Variants in MAP3K4 observed in about 807,000 individuals in gnomAD.
MAP3K4 encodes the protein mitogen-activated protein kinase kinase kinase 4.
Under a neutral mutation model 185.6 loss-of-function variants are expected in MAP3K4, and 67 were observed. The ratio of observed to expected loss-of-function variants is 0.36; its 90% CI spans 0.30 to 0.44. The LOEUF is 0.44. Ranked by LOEUF, MAP3K4 falls within the 20% of genes least tolerant of loss-of-function variation. The pLI is 1.00. For missense variants in MAP3K4, 1,551 were observed against 1,995.1 expected, an observed-to-expected ratio of 0.78 and a Z score of 4.24; for synonymous variants, 702 against 710.4, an observed-to-expected ratio of 0.99 and a Z score of 0.19.
At position 161,108,423 on chromosome 6, in the gene MAP3K4, C is replaced by A. The variant is rs561373500; in HGVS notation, c.4120-320C>A. On this transcript the variant is annotated intron_variant, in intron 21 of 26. Coordinates refer to ENST00000392142, the MANE Select transcript of MAP3K4 (RefSeq NM_005922.4). This position sits in a 1 kb window ranked among gnomAD's most constrained non-coding sequence, Gnocchi z 5.7. Reference sequence around the variant, plus strand: ...CTGTCTGTGGAGACATCCGGTTTGACGTGGAAGGAGGAGAGGAGTGGAGAG... The same window carrying A: ...CTGTCTGTGGAGACATCCGGTTTGAAGTGGAAGGAGGAGAGGAGTGGAGAG... 6.6e-6 allele frequency among the ~76,000 whole-genome samples: 1 copy of A among 152,098 alleles called. No individual in the cohort carries two copies. The highest frequency in any genetic ancestry group is 2.4e-5 in the African/African-American group (1 of 41,426).
chr6:161,018,008 T>C (rs1782194151), intron 1 of MAP3K4, among the ~76,000 whole-genome samples: 1 of 152,196 alleles, frequency 6.6e-6, no homozygotes, highest in South Asian at 2.1e-4. Context: ...TTTCAGATAT[T>C]AGACAGCAGG....
intron 1 of MAP3K4, 90 bp downstream of exon 1, chr6:160,992,173 C>G (rs1022269158): frequency 3.6e-6 from 5 of 1,406,642 alleles, no homozygotes; most frequent in Admixed American, 6.1e-5. Flanking sequence ...CTGCTTCCCG[C>G]CAGGTGGGGA....
rs1785048317 is a variant in MAP3K4 at position 161,073,668 on chromosome 6, A to C, written c.2097+56A>C. ...CTTTCTTTGTTTCTTTTTTTAAAAAAGTAAGCCTGTATTTCCTTGTTTTGC... is the reference window on the plus strand; with the variant it reads ...CTTTCTTTGTTTCTTTTTTTAAAAACGTAAGCCTGTATTTCCTTGTTTTGC... On this transcript the variant is annotated intron_variant, in intron 5 of 26. Coordinates refer to ENST00000392142, the MANE Select transcript of MAP3K4 (RefSeq NM_005922.4). This position sits in a 1 kb window ranked among gnomAD's most constrained non-coding sequence, Gnocchi z 4.2. 1.9e-6 allele frequency: 3 copies of C among 1,568,788 alleles called. No individual in the cohort carries two copies. The highest frequency in any genetic ancestry group is 2.7e-5 in the African/African-American group (2 of 72,920).
rs367947922 is a variant in MAP3K4, at chr6:160,991,902, C to A, written c.-30C>A. On this transcript the variant is annotated 5_prime_UTR_variant, in exon 1 of 27. Coordinates refer to ENST00000392142, the MANE Select transcript of MAP3K4 (RefSeq NM_005922.4). The surrounding 1 kb of genome is among the most constrained non-coding windows in gnomAD (Gnocchi z 5.7). ...CCGCGCCAGGCTGCAGCTTACTGCCCGCCGCGGCCATGCGGGGCTCCGTGC... is the reference window on the plus strand; with the variant it reads ...CCGCGCCAGGCTGCAGCTTACTGCCAGCCGCGGCCATGCGGGGCTCCGTGC... 1 of 1,492,762 alleles carries A rather than the reference C, an allele frequency of 6.7e-7. No individual in the cohort carries two copies. Among genetic ancestry groups the A allele is most frequent in the Non-Finnish European group, 8.9e-7 (1 of 1,129,886 alleles). 92.5% of individuals were successfully genotyped at this position (1,492,762 alleles called of 1,614,324 possible).
chr6:161,099,194 A>G (rs2872613), intron 17 of MAP3K4, among the ~76,000 whole-genome samples: 138,526 of 152,272 alleles, frequency 0.91, 63,189 homozygotes, highest in East Asian at 0.99. Context: ...AACTATGTAG[A>G]TTGGGGGTAT....
In MAP3K4 at chr6:161,097,975, A is replaced by C. The variant is rs1237858708; in HGVS notation, c.3525-303A>C. On this transcript the variant is annotated intron_variant, in intron 16 of 26. Transcript: ENST00000392142. This position sits in a 1 kb window ranked among gnomAD's most constrained non-coding sequence, Gnocchi z 4.9. ...GGTGGCCGTGCCTGTAGTCCCAGCT[A>C]CTCAGGAGGCTGAGGCAAGGAGGAT... Among the ~76,000 whole-genome samples, 1 of 152,008 alleles carries C rather than the reference A, an allele frequency of 6.6e-6. No individual in the cohort carries two copies. The highest frequency in any genetic ancestry group is 2.4e-5 in the African/African-American group (1 of 41,380).
At position 161,101,125 on chromosome 6, in the gene MAP3K4, A is replaced by G. The variant is rs1777822402; in HGVS notation, c.3675-767A>G. ...TGCCATATTTATTTGAGGTTCTTTG[A>G]TTATTCGAATTACAATTTTAACACA... On this transcript the variant is annotated intron_variant, in intron 17 of 26. Coordinates refer to ENST00000392142, the MANE Select transcript of MAP3K4 (RefSeq NM_005922.4). This position sits in a 1 kb window ranked among gnomAD's most constrained non-coding sequence, Gnocchi z 5.1. 1 of 152,198 alleles carries G rather than the reference A, an allele frequency of 6.6e-6. No homozygotes were observed. Among genetic ancestry groups the G allele is most frequent in the Admixed American group, 6.5e-5 (1 of 15,282 alleles). 9.4% of individuals were successfully genotyped at this position (152,198 alleles called of 1,614,324 possible). A position where few individuals can be genotyped will look rare whatever the true frequency, so the allele number is the denominator to read the frequency against.
chr6:161,042,525 T>A (rs1278448424), intron 2 of MAP3K4, among the ~76,000 whole-genome samples: 1 of 152,168 alleles, frequency 6.6e-6, no homozygotes, highest in African/African-American at 2.4e-5. Flanking sequence ...TGCGGTGTTA[T>A]TTGAGATTAT....
chr6:160,991,887 C>G lies in MAP3K4; in HGVS notation c.-45C>G, dbSNP rs1052779990. ...CGGGGCTCCGGTGCCCCGCGCCAGG[C>G]TGCAGCTTACTGCCCGCCGCGGCCA... On this transcript the variant is annotated 5_prime_UTR_variant, in exon 1 of 27. Transcript: ENST00000392142. The surrounding 1 kb of genome is among the most constrained non-coding windows in gnomAD (Gnocchi z 5.7). The G allele has an allele frequency of 4.1e-6, 6 of 1,473,754 alleles. No individual in the cohort carries two copies. Among genetic ancestry groups the G allele is most frequent in the African/African-American group, 1.5e-5 (1 of 67,960 alleles). 91.3% of individuals were successfully genotyped at this position (1,473,754 alleles called of 1,614,324 possible).
intron 15 of MAP3K4, among the ~76,000 whole-genome samples, chr6:161,095,260 A>G (rs1404800765): frequency 1.3e-5 from 2 of 152,182 alleles, no homozygotes; most frequent in African/African-American, 4.8e-5. Context: ...CTGCTCATTT[A>G]ACATCATTGA....
At chr6:161,013,024 C>G (rs933836075) in intron 1 of MAP3K4, among the ~76,000 whole-genome samples, 1 of 152,094 alleles carries the variant, frequency 6.6e-6, no homozygotes, top group African/African-American at 2.4e-5. Context: ...TGGCTGCTCT[C>G]AAAAGAATTT....
At chr6:161,031,041 TTA>T (rs1310464757) in intron 1 of MAP3K4, among the ~76,000 whole-genome samples, 1 of 152,242 alleles carries the variant, frequency 6.6e-6, no homozygotes, top group Non-Finnish European at 1.5e-5. Context: ...GTGTTTTGTC[TTA>T]TTTTAATATT....
rs1781691461 is a variant in MAP3K4, at chr6:161,008,348, G to A, written c.152+16265G>A. ...CTTAATCTTTATGTCTAGTCAAGATGTTTTATTAGAGTAAAATCCTGGAAA... is the reference window on the plus strand; with the variant it reads ...CTTAATCTTTATGTCTAGTCAAGATATTTTATTAGAGTAAAATCCTGGAAA... On this transcript the variant is annotated intron_variant, in intron 1 of 26. Transcript: ENST00000392142. The surrounding 1 kb of genome is among the most constrained non-coding windows in gnomAD (Gnocchi z 4.1). 6.6e-6 allele frequency among the ~76,000 whole-genome samples: 1 copy of A among 152,106 alleles called. No individual in the cohort carries two copies. Among genetic ancestry groups the A allele is most frequent in the Admixed American group, 6.5e-5 (1 of 15,274 alleles).
rs1028592135 is a variant in MAP3K4 at position 161,067,924 on chromosome 6, A to G, written c.1708-2684A>G. On this transcript the variant is annotated intron_variant, in intron 3 of 26. Coordinates refer to ENST00000392142, the MANE Select transcript of MAP3K4 (RefSeq NM_005922.4). This position sits in a 1 kb window ranked among gnomAD's most constrained non-coding sequence, Gnocchi z 6.3. ...TGTCACTAACATAATTACTGTTGGC[A>G]TTAGGAGTACAATAGGGAATTTGAG... is the stretch of plus-strand genomic sequence containing the variant. Among the ~76,000 whole-genome samples, 1 of 152,242 alleles carries G rather than the reference A, an allele frequency of 6.6e-6. No individual in the cohort carries two copies. The highest frequency in any genetic ancestry group is 3.2e-3 in the Middle Eastern group (1 of 316).
At chr6:161,011,018 C>A (rs1193915740) in intron 1 of MAP3K4, among the ~76,000 whole-genome samples, 1 of 152,080 alleles carries the variant, frequency 6.6e-6, no homozygotes, top group Non-Finnish European at 1.5e-5. Context: ...GTGTGTAATT[C>A]TTGAAGTTCT....
At chr6:161,002,468 A>G (rs900371020) in intron 1 of MAP3K4, among the ~76,000 whole-genome samples, 1 of 152,190 alleles carries the variant, frequency 6.6e-6, no homozygotes, top group African/African-American at 2.4e-5. Context: ...TAATAAAAGT[A>G]ACTTAATCAG....
chr6:161,075,472 T>G lies in MAP3K4; in HGVS notation c.2097+1860T>G, dbSNP rs545329934. Among the ~76,000 whole-genome samples the G allele has an allele frequency of 1.3e-5, 2 of 152,320 alleles. No individual in the cohort carries two copies. Among genetic ancestry groups the G allele is most frequent in the South Asian group, 4.1e-4 (2 of 4,832 alleles). ...ACACCTGCCCACTATATATTTCTTATGTCAAAAAAATCTTTATCTTGAAAA... is the reference window on the plus strand; with the variant it reads ...ACACCTGCCCACTATATATTTCTTAGGTCAAAAAAATCTTTATCTTGAAAA... On this transcript the variant is annotated intron_variant, in intron 5 of 26. Transcript: ENST00000392142. This position sits in a 1 kb window ranked among gnomAD's most constrained non-coding sequence, Gnocchi z 4.3.
At chr6:161,004,278 C>T (rs928560057) in intron 1 of MAP3K4, among the ~76,000 whole-genome samples, 4 of 152,022 alleles carry the variant, frequency 2.6e-5, no homozygotes, top group Admixed American at 6.6e-5. Flanking sequence ...TGTCTAATAT[C>T]GAACAAAGTA....
intron 5 of MAP3K4, among the ~76,000 whole-genome samples, chr6:161,079,866 A>G (rs1234731091): frequency 2.0e-5 from 3 of 152,180 alleles, no homozygotes; most frequent in African/African-American, 7.2e-5. Flanking sequence ...TAAAGAATAG[A>G]CTTCAGATTT....
Sources: gnomAD v4.1 joint callset for allele counts (sites outside exome capture counted in the v4.1 genomes callset) on GRCh38, gnomAD v4.1.1 for gene constraint, Gnocchi (gnomAD v3.1) non-coding constraint, MANE v1.5 for transcripts, NCBI Gene and HGNC (gene_info 2026-07-23, HGNC 2026-07-21) for gene names.